IFT56: variants seen among roughly 807,000 people sequenced by gnomAD.
IFT56 encodes the protein intraflagellar transport 56.
At chr7:139,174,122 G>C in the IFT56 span, 1 of 594,824 alleles carries the variant, frequency 1.7e-6, no homozygotes, top group Non-Finnish European at 3.3e-6. Context: ...AATTGATGCT[G>C]TAATCTACGA....
the IFT56 span, chr7:139,179,588 C>A: frequency 6.2e-7 from 1 of 1,613,952 alleles, no homozygotes; most frequent in Non-Finnish European, 8.5e-7. Flanking sequence ...TCCTCTTGAT[C>A]CAAAGTGAGA....
the IFT56 span, among the ~76,000 whole-genome samples, chr7:139,165,633 T>C: frequency 6.6e-6 from 1 of 152,352 alleles, no homozygotes; most frequent in East Asian, 1.9e-4. Context: ...GCTTTGATTG[T>C]CTGCCTTTCC....
chr7:139,168,795 CA>C, the IFT56 span, among the ~76,000 whole-genome samples: 2 of 151,946 alleles, frequency 1.3e-5, no homozygotes, highest in Non-Finnish European at 2.9e-5. Context: ...TTATAAACAC[CA>C]AAACACTGTC....
the IFT56 span, among the ~76,000 whole-genome samples, chr7:139,158,920 C>CA: frequency 6.6e-6 from 1 of 151,974 alleles, no homozygotes; most frequent in Non-Finnish European, 1.5e-5. Flanking sequence ...TCTCAAAAAA[C>CA]AAAAAATTTT....
the IFT56 span, among the ~76,000 whole-genome samples, chr7:139,176,401 TTTAA>T: frequency 2.0e-5 from 3 of 152,124 alleles, no homozygotes; most frequent in African/African-American, 7.2e-5. Flanking sequence ...TAAAACCATA[TTTAA>T]TTAAGTTTTT....
the IFT56 span, among the ~76,000 whole-genome samples, chr7:139,169,645 C>T: frequency 6.6e-6 from 1 of 152,164 alleles, no homozygotes; most frequent in Non-Finnish European, 1.5e-5. Flanking sequence ...CTCTTTTGAG[C>T]ATTAACTTTT....
chr7:139,170,310 C>G, the IFT56 span, among the ~76,000 whole-genome samples: 5 of 152,174 alleles, frequency 3.3e-5, no homozygotes, highest in Admixed American at 3.3e-4. Context: ...CAATCCTACT[C>G]AAACTATTCC....
At chr7:139,160,149 C>A in the IFT56 span, among the ~76,000 whole-genome samples, 1 of 152,080 alleles carries the variant, frequency 6.6e-6, no homozygotes, top group African/African-American at 2.4e-5. Flanking sequence ...GCACTCCCAA[C>A]TATGAGATCA....
the IFT56 span, among the ~76,000 whole-genome samples, chr7:139,164,820 G>C: frequency 6.6e-6 from 1 of 152,088 alleles, no homozygotes; most frequent in South Asian, 2.1e-4. Flanking sequence ...AGAAGGGCAA[G>C]GGTATAGAGA....
the IFT56 span, chr7:139,191,358 C>G: frequency 6.6e-6 from 1 of 152,164 alleles, no homozygotes; most frequent in Admixed American, 6.5e-5. Context: ...TTTAGAATCA[C>G]TCTTGTAATT....
At chr7:139,139,100 C>T in the IFT56 span, among the ~76,000 whole-genome samples, 14 of 152,242 alleles carry the variant, frequency 9.2e-5, no homozygotes, top group African/African-American at 3.1e-4. Flanking sequence ...GCGTGAGCCA[C>T]TGCGCCCAGC....
the IFT56 span, chr7:139,178,643 A>G: frequency 6.6e-7 from 1 of 1,522,594 alleles, no homozygotes; most frequent in Non-Finnish European, 9.1e-7. Flanking sequence ...CTATCTAAAA[A>G]CATCCTTATC....
chr7:139,187,420 C>T, the IFT56 span: 1 of 1,614,108 alleles, frequency 6.2e-7, no homozygotes, highest in Non-Finnish European at 8.5e-7. Context: ...GCCAGTTTTA[C>T]TATTCTGCCA....
At chr7:139,169,757 T>G in the IFT56 span, among the ~76,000 whole-genome samples, 1,178 of 152,294 alleles carry the variant, frequency 7.7e-3, 26 homozygotes, top group East Asian at 0.073. Flanking sequence ...AGGCTTGTAA[T>G]CCCAGTACTT....
the IFT56 span, chr7:139,134,850 T>C: frequency 2.2e-5 from 34 of 1,561,532 alleles, no homozygotes; most frequent in Non-Finnish European, 2.9e-5. Context: ...AGATGAATGC[T>C]TGGGTGAATG....
At chr7:139,169,373 T>C in the IFT56 span, 1 of 1,608,742 alleles carries the variant, frequency 6.2e-7, no homozygotes, top group Non-Finnish European at 8.5e-7. Flanking sequence ...AATCTGTACT[T>C]ATGATCTGCT....
chr7:139,154,848 G>A, the IFT56 span, among the ~76,000 whole-genome samples: 1 of 152,126 alleles, frequency 6.6e-6, no homozygotes. Flanking sequence ...TTTAGAATCA[G>A]CTTATCAATT....
chr7:139,169,421 TG>T, the IFT56 span: 1 of 1,399,064 alleles, frequency 7.1e-7, no homozygotes, highest in South Asian at 1.2e-5. Flanking sequence ...CCGTGAAGTT[TG>T]ATTCTCTGTC....
chr7:139,169,387 T>G, the IFT56 span: 1 of 1,580,244 alleles, frequency 6.3e-7, no homozygotes, highest in Non-Finnish European at 8.7e-7. Flanking sequence ...ATCTGCTTCA[T>G]AATTGGAGTG....
Sources: gnomAD v4.1 joint callset for allele counts (sites outside exome capture counted in the v4.1 genomes callset) on GRCh38, gnomAD v4.1.1 for gene constraint, MANE v1.5 for transcripts, NCBI Gene and HGNC (gene_info 2026-07-23, HGNC 2026-07-21) for gene names.